FADS2: variants seen among roughly 807,000 people sequenced by gnomAD.
The protein encoded by FADS2 is acyl-CoA 6-desaturase.
A neutral mutation model predicts 61.2 loss-of-function variants in FADS2; 18 were observed. That is an observed-to-expected ratio of 0.29 (90% CI 0.20 to 0.44). The LOEUF is 0.44. Among genes scored for constraint, FADS2 ranks in the 20% least tolerant of loss-of-function variants. The pLI, the probability that FADS2 is intolerant of heterozygous loss-of-function variation, is 1.00. For synonymous variants in FADS2, 203 were observed against 223.9 expected (o/e 0.91, Z 0.83); for missense variants, 322 against 572.7 (o/e 0.56, Z 4.47).
chr11:61,850,112 C>T (rs369295145), intron 5 of FADS2, among the ~76,000 whole-genome samples: 1 of 152,124 alleles, frequency 6.6e-6, no homozygotes, highest in Admixed American at 6.5e-5. Flanking sequence ...ATGCCCTTCC[C>T]CCCCAGTTCA....
chr11:61,853,568 G>A (rs174597), intron 5 of FADS2, among the ~76,000 whole-genome samples: 1 of 151,698 alleles, frequency 6.6e-6, no homozygotes, highest in Non-Finnish European at 1.5e-5. Context: ...GAAGCCGTGC[G>A]GTGCCTGAGA....
chr11:61,828,495 GTGGC>G lies in FADS2; in HGVS notation c.109_112del (p.Leu37SerfsTer49). On this transcript the variant is annotated frameshift_variant, in exon 1 of 12. Transcript: ENST00000278840. LOFTEE classifies it high-confidence loss of function. This position sits in a 1 kb window ranked among gnomAD's most constrained non-coding sequence, Gnocchi z 6.4. ...AGAAGCATAACCTGCGCACCGACAG[GTGGC>G]TGGTCATTGACCGCAAGGTTTACAA... 1 of 1,613,376 alleles carries G rather than the reference GTGGC, an allele frequency of 6.2e-7. No individual in the cohort carries two copies. The highest frequency in any genetic ancestry group is 8.5e-7 in the Non-Finnish European group (1 of 1,179,892).
intron 9 of FADS2, 84 bp from the exon 10 acceptor site, chr11:61,863,623 C>CTGGGTA: frequency 8.2e-7 from 1 of 1,217,310 alleles, no homozygotes; most frequent in Non-Finnish European, 1.2e-6. Context: ...CCTGGAGACC[C>CTGGGTA]TGGGTAAGGC....
intron 4 of FADS2, among the ~76,000 whole-genome samples, chr11:61,842,854 G>T (rs1025118601): frequency 2.0e-5 from 3 of 152,198 alleles, no homozygotes; most frequent in Non-Finnish European, 4.4e-5. Flanking sequence ...GGGAAAAAGG[G>T]GACTGGCTAC....
chr11:61,830,425 C>T (rs1641908835), intron 1 of FADS2, among the ~76,000 whole-genome samples: 1 of 152,178 alleles, frequency 6.6e-6, no homozygotes, highest in African/African-American at 2.4e-5. Context: ...TCTGGATGTT[C>T]TCAGTGCTTA....
chr11:61,824,437 AGGGAGGGAGGGAGGGAGG>A (rs1565325189), upstream of FADS2, among the ~76,000 whole-genome samples: 149 of 4,532 alleles, frequency 0.033, 13 homozygotes, highest in African/African-American at 0.034. Context: ...AGAGAGAGGG[AGGGAGGGAGGGAGGGAGG>A]GAGGGAGAGA....
upstream of FADS2, among the ~76,000 whole-genome samples, chr11:61,825,844 G>A (rs2067080514): frequency 6.6e-6 from 1 of 152,106 alleles, no homozygotes; most frequent in African/African-American, 2.4e-5. Context: ...AGTGAGTAGA[G>A]ATCGCACCAC....
At position 61,866,023 on chromosome 11, in the gene FADS2, C is replaced by T. The variant is rs1452198792; in HGVS notation, c.*334C>T. The T allele has an allele frequency of 2.0e-5, 9 of 460,820 alleles. No homozygotes were observed. In the South Asian group the frequency reaches 4.6e-4, roughly 24 times the overall value. The allele number at this position is 460,820 out of a possible 1,614,324, so 28.5% of individuals were successfully genotyped here. ...TCTGCCCCTAAAGATGGGAGGAGACCAGCGGTCCATGGGTCTGGCCTGTGA... is the reference window on the plus strand; with the variant it reads ...TCTGCCCCTAAAGATGGGAGGAGACTAGCGGTCCATGGGTCTGGCCTGTGA... On this transcript the variant is annotated 3_prime_UTR_variant, in exon 12 of 12. Transcript: ENST00000278840.
rs1316898160 is a variant in FADS2, at chr11:61,866,590, T to G, written c.*901T>G. On this transcript the variant is annotated 3_prime_UTR_variant, in exon 12 of 12. Coordinates refer to ENST00000278840, the MANE Select transcript of FADS2 (RefSeq NM_004265.4). Reference sequence around the variant, plus strand: ...TGACCCTTCTCCAAAGGCTCTGTTATCAGCTGGGCAGTGCCAGCCAATCCC... The same window carrying G: ...TGACCCTTCTCCAAAGGCTCTGTTAGCAGCTGGGCAGTGCCAGCCAATCCC... 6.6e-6 allele frequency: 1 copy of G among 152,346 alleles called. No homozygotes were observed. The highest frequency in any genetic ancestry group is 2.4e-5 in the African/African-American group (1 of 41,466). The allele number at this position is 152,346 out of a possible 1,614,324, so 9.4% of individuals were successfully genotyped here.
At chr11:61,825,298 C>G (rs988978459), upstream of FADS2, among the ~76,000 whole-genome samples, 1 of 152,054 alleles carries the variant, frequency 6.6e-6, no homozygotes. Context: ...GTACCTCCAA[C>G]TAATGCGGTC....
chr11:61,827,755 G>C (rs1042708807), upstream of FADS2: 1 of 152,360 alleles, frequency 6.6e-6, no homozygotes, highest in Non-Finnish European at 1.5e-5. The surrounding 1 kb of genome is among the most constrained non-coding windows in gnomAD (Gnocchi z 4.5). Context: ...GGAGCGCGCG[G>C]AGCCCATTCG....
intron 4 of FADS2, among the ~76,000 whole-genome samples, chr11:61,841,916 G>T (rs1321429763): frequency 6.6e-6 from 1 of 152,220 alleles, no homozygotes; most frequent in African/African-American, 2.4e-5. Flanking sequence ...GCAGACCACA[G>T]AGTCTCAGCA....
At chr11:61,826,330 C>A (rs1034829144), upstream of FADS2, 2 of 702,466 alleles carry the variant, frequency 2.8e-6, no homozygotes, top group East Asian at 5.4e-5. Flanking sequence ...GGACCCCAGG[C>A]CCTGGCCGGT....
At chr11:61,859,701 C>T (rs2067396529) in intron 7 of FADS2, among the ~76,000 whole-genome samples, 1 of 138,862 alleles carries the variant, frequency 7.2e-6, no homozygotes, top group Non-Finnish European at 1.5e-5. Flanking sequence ...CATAAGTGGC[C>T]TATTGCCGGG....
chr11:61,859,939 C>CTT lies in FADS2; in HGVS notation c.882+2416_882+2417dup, dbSNP rs11407273. On this transcript the variant is annotated intron_variant, in intron 7 of 11. Coordinates refer to ENST00000278840, the MANE Select transcript of FADS2 (RefSeq NM_004265.4). ...AGGCGGAGCTTGCAGTGAGCAACTT[C>CTT]TTTTTTTTGTTTGTTTTTGACTGTG... 3.9e-5 allele frequency among the ~76,000 whole-genome samples: 6 copies of CTT among 151,922 alleles called. No homozygotes were observed. The South Asian group carries it at 6.2e-4, about 16-fold the overall frequency.
In FADS2 at chr11:61,837,554, C is replaced by T. The variant is rs2067184038; in HGVS notation, c.208-224C>T. Among the ~76,000 whole-genome samples the T allele has an allele frequency of 4.6e-5, 7 of 152,224 alleles. No individual in the cohort carries two copies. In the South Asian group the frequency reaches 1.4e-3, roughly 32 times the overall value. On this transcript the variant is annotated intron_variant, in intron 1 of 11. Coordinates refer to ENST00000278840, the MANE Select transcript of FADS2 (RefSeq NM_004265.4). Reference sequence around the variant, plus strand: ...CAAACCCCTGGGGAGTGTAGCATGCCTGCACCAGCACAGAAGCCCAGGTGG... The same window carrying T: ...CAAACCCCTGGGGAGTGTAGCATGCTTGCACCAGCACAGAAGCCCAGGTGG...
In FADS2 at chr11:61,828,646, T is replaced by C. The variant is rs1289234704; in HGVS notation, c.207+49T>C. 3 of 1,527,846 alleles carry C rather than the reference T, an allele frequency of 2.0e-6. No homozygotes were observed. The highest frequency in any genetic ancestry group is 1.4e-5 in the African/African-American group (1 of 73,336). The allele number at this position is 1,527,846 out of a possible 1,614,324, so 94.6% of individuals were successfully genotyped here. ...CCACCCTTCTCTGCTGCAGGCGGAG[T>C]CAGGATCCCTGGCTCCCCGTGGGCC... On this transcript the variant is annotated intron_variant, in intron 1 of 11. Transcript: ENST00000278840. The surrounding 1 kb of genome is among the most constrained non-coding windows in gnomAD (Gnocchi z 6.4).
intron 4 of FADS2, among the ~76,000 whole-genome samples, chr11:61,842,908 A>G (rs913164930): frequency 6.6e-6 from 1 of 152,230 alleles, no homozygotes; most frequent in Admixed American, 6.5e-5. Context: ...GTCTTAGCAC[A>G]GGCTGGAAAG....
At chr11:61,837,737 G>C (rs1255666316) in intron 1 of FADS2, 41 bp from the exon 2 acceptor site, 4 of 1,400,478 alleles carry the variant, frequency 2.9e-6, no homozygotes, top group Non-Finnish European at 4.0e-6. Context: ...AGAGCAGACA[G>C]AGTTCAGGTC....
Sources: gnomAD v4.1 joint callset for allele counts (sites outside exome capture counted in the v4.1 genomes callset) on GRCh38, gnomAD v4.1.1 for gene constraint, Gnocchi (gnomAD v3.1) non-coding constraint, MANE v1.5 for transcripts, NCBI Gene and HGNC (gene_info 2026-07-23, HGNC 2026-07-21) for gene names.